The following TMEM132D variants were observed in gnomAD, a reference collection of about 807,000 sequenced individuals.
TMEM132D encodes the protein mature OL transmembrane protein.
In TMEM132D, 21 loss-of-function variants were observed where a neutral mutation model predicts 62.3. The ratio of observed to expected loss-of-function variants is 0.34; its 90% CI spans 0.24 to 0.49. TMEM132D has a LOEUF of 0.49. Among genes scored for constraint, TMEM132D ranks in the 20% least tolerant of loss-of-function variants. The pLI, the probability that TMEM132D is intolerant of heterozygous loss-of-function variation, is 0.99. For synonymous variants in TMEM132D, 621 were observed against 575.6 expected, an observed-to-expected ratio of 1.08 and a Z score of -1.13; for missense variants, 1,346 against 1,402.8, an observed-to-expected ratio of 0.96 and a Z score of 0.65.
intron 3 of TMEM132D, among the ~76,000 whole-genome samples, chr12:129,364,371 A>C (rs1187869049): frequency 6.6e-6 from 1 of 152,218 alleles, no homozygotes; most frequent in East Asian, 1.9e-4. Flanking sequence ...GTACATCTTT[A>C]AATTGTTCAG....
At position 129,526,431 on chromosome 12, in the gene TMEM132D, T is replaced by G. The variant is rs544501750; in HGVS notation, c.1115+4628A>C. ...TCCTGAGTAGCTGGGATTACAGGCA[T>G]GCACCACCATGCCCAGCTAATTTTT... On this transcript the variant is annotated intron_variant, in intron 3 of 8. Transcript: ENST00000422113. 3.9e-5 allele frequency among the ~76,000 whole-genome samples: 6 copies of G among 152,184 alleles called. No individual in the cohort carries two copies. The East Asian group carries it at 7.8e-4, about 20-fold the overall frequency.
At chr12:129,250,254 A>G (rs1424078822) in intron 4 of TMEM132D, among the ~76,000 whole-genome samples, 1 of 152,222 alleles carries the variant, frequency 6.6e-6, no homozygotes, top group Non-Finnish European at 1.5e-5. Flanking sequence ...AAAGGAATTC[A>G]TGGCTAAGAA....
intron 4 of TMEM132D, among the ~76,000 whole-genome samples, chr12:129,331,468 AT>A (rs1363579496): frequency 6.6e-6 from 1 of 152,140 alleles, no homozygotes; most frequent in African/African-American, 2.4e-5. Flanking sequence ...TTTCAGATCC[AT>A]TCTAATAACT....
intron 3 of TMEM132D, among the ~76,000 whole-genome samples, chr12:129,473,246 G>A (rs1228734485): frequency 6.6e-6 from 1 of 150,850 alleles, no homozygotes; most frequent in Admixed American, 6.6e-5. Context: ...TGTCGGGTAA[G>A]ACCTTCCAAT....
chr12:129,463,581 G>A (rs527639935), intron 3 of TMEM132D, among the ~76,000 whole-genome samples: 38 of 151,774 alleles, frequency 2.5e-4, no homozygotes, highest in East Asian at 2.1e-3. Context: ...CCATTAACTC[G>A]TCATTTAGCA....
At chr12:129,315,120 T>C (rs2135638497) in intron 4 of TMEM132D, among the ~76,000 whole-genome samples, 1 of 152,328 alleles carries the variant, frequency 6.6e-6, no homozygotes, top group Admixed American at 6.5e-5. Context: ...TTTTTACCAG[T>C]TGGATGCCCT....
At chr12:129,557,961 A>G (rs1219511756) in intron 2 of TMEM132D, among the ~76,000 whole-genome samples, 1 of 152,240 alleles carries the variant, frequency 6.6e-6, no homozygotes, top group Non-Finnish European at 1.5e-5. Flanking sequence ...AGACAGTAAA[A>G]TAAACTATAT....
chr12:129,839,454 G>A (rs1873113877), intron 1 of TMEM132D, among the ~76,000 whole-genome samples: 1 of 151,638 alleles, frequency 6.6e-6, no homozygotes, highest in African/African-American at 2.4e-5. Flanking sequence ...GTAGAGACAG[G>A]GTTTCACCAT....
chr12:129,778,397 G>T (rs942619875), intron 1 of TMEM132D, among the ~76,000 whole-genome samples: 1 of 152,042 alleles, frequency 6.6e-6, no homozygotes, highest in Non-Finnish European at 1.5e-5. Flanking sequence ...AACCTGCACT[G>T]ATCTGGATTC....
chr12:129,604,330 A>T (rs542575232), intron 2 of TMEM132D, among the ~76,000 whole-genome samples: 1 of 152,210 alleles, frequency 6.6e-6, no homozygotes, highest in Non-Finnish European at 1.5e-5. Flanking sequence ...AACTTAAAGT[A>T]AAATTAAAAA....
intron 5 of TMEM132D, among the ~76,000 whole-genome samples, chr12:129,107,867 T>TA (rs201900759): frequency 0.016 from 1,458 of 93,548 alleles, 31 homozygotes; most frequent in African/African-American, 0.063. Context: ...TTTTTTTTTT[T>TA]TTATTTGTAG....
At chr12:129,628,258 C>T (rs1344743029) in intron 2 of TMEM132D, among the ~76,000 whole-genome samples, 3 of 152,034 alleles carry the variant, frequency 2.0e-5, no homozygotes, top group Non-Finnish European at 4.4e-5. Flanking sequence ...TTCAGAAAAC[C>T]TTGATTAGAA....
chr12:129,084,831 G>T (rs1874563966), intron 5 of TMEM132D, 129 bp from the exon 6 acceptor site: 1 of 780,000 alleles, frequency 1.3e-6, no homozygotes. Flanking sequence ...TACTATGGGG[G>T]AGGAGGTCCT....
At chr12:129,893,146 A>C (rs893092931) in intron 1 of TMEM132D, among the ~76,000 whole-genome samples, 3 of 152,112 alleles carry the variant, frequency 2.0e-5, no homozygotes, top group Non-Finnish European at 4.4e-5. Context: ...AAGTGCTGGG[A>C]TTACAGGCAG....
chr12:129,711,682 G>A (rs1343358560), intron 1 of TMEM132D, among the ~76,000 whole-genome samples: 6 of 146,118 alleles, frequency 4.1e-5, no homozygotes, highest in South Asian at 2.2e-4. Context: ...AGCCGAGATC[G>A]CGCCATTGCA....
intron 5 of TMEM132D, among the ~76,000 whole-genome samples, chr12:129,142,408 T>C (rs1876771143): frequency 6.6e-6 from 1 of 152,220 alleles, no homozygotes; most frequent in Admixed American, 6.5e-5. Context: ...ATCTCATTTA[T>C]ATGCACCCTT....
At chr12:129,762,486 T>C (rs7135583) in intron 1 of TMEM132D, among the ~76,000 whole-genome samples, 30,536 of 152,022 alleles carry the variant, frequency 0.2, 3,290 homozygotes, top group South Asian at 0.27. Flanking sequence ...CTGTTCTGTG[T>C]AGGTGTTTTG....
chr12:129,255,227 A>G (rs976994686), intron 4 of TMEM132D, among the ~76,000 whole-genome samples: 1 of 152,226 alleles, frequency 6.6e-6, no homozygotes, highest in Admixed American at 6.5e-5. Flanking sequence ...CGGTGAGCCA[A>G]TTAAATATCT....
At chr12:129,175,785 A>C (rs1877886954) in intron 5 of TMEM132D, among the ~76,000 whole-genome samples, 5 of 152,178 alleles carry the variant, frequency 3.3e-5, no homozygotes, top group Admixed American at 3.3e-4. Flanking sequence ...ACTGATGCAA[A>C]TGCAATGGTA....
Sources: allele counts gnomAD v4.1 joint callset (sites outside exome capture counted in the v4.1 genomes callset), GRCh38; gene constraint gnomAD v4.1.1; transcripts MANE v1.5; gene names NCBI Gene and HGNC (gene_info 2026-07-23, HGNC 2026-07-21).